GRIP2: variants seen among roughly 807,000 people sequenced by gnomAD.
GRIP2 encodes glutamate receptor-interacting protein 2.
Under a neutral mutation model 108.3 loss-of-function variants are expected in GRIP2, and 58 were observed. The observed-to-expected ratio is 0.54, with a 90% CI of 0.43 to 0.67. The LOEUF (loss-of-function observed/expected upper bound fraction) is 0.67. Ranked by LOEUF, GRIP2 falls within the 30% of genes least tolerant of loss-of-function variation. The pLI is 0.00. For synonymous variants in GRIP2, 586 were observed against 598.2 expected (o/e 0.98, Z 0.30); for missense variants, 1,278 against 1,430.6 (o/e 0.89, Z 1.72).
At chr3:14,496,312 G>C (rs960695685) in intron 22 of GRIP2, 105 bp downstream of exon 22, 1 of 946,086 alleles carries the variant, frequency 1.1e-6, no homozygotes, top group African/African-American at 1.7e-5. Flanking sequence ...TGTGGTGGAG[G>C]AGACTAAAGC....
the GRIP2 span, among the ~76,000 whole-genome samples, chr3:14,566,341 G>T: frequency 6.6e-6 from 1 of 152,220 alleles, no homozygotes; most frequent in African/African-American, 2.4e-5. Context: ...ACACACCACA[G>T]GACTGGGCGA....
rs1349080031 is a variant in GRIP2, at chr3:14,505,630, C to A, written c.2558G>T (p.Trp853Leu). 7.5e-6 allele frequency: 12 copies of A among 1,610,542 alleles called. No homozygotes were observed. Among genetic ancestry groups the A allele is most frequent in the African/African-American group, 1.3e-5 (1 of 74,796 alleles). The change falls in exon 20 of 24, where the codon TGG (tryptophan) becomes TTG (leucine). Residue 853 changes from tryptophan to leucine, a missense_variant. Transcript: ENST00000621039. The surrounding 1 kb of genome is among the most constrained non-coding windows in gnomAD (Gnocchi z 4.2). ...CACCACAGACCTCGTTGGCGGCTCC[C>A]AATCATCCTCCTCCTCCTCCTCTGG... The part of the protein sequence containing the change: ...SFPEEEEEDD[W>L]EPPTSPAPGP...
chr3:14,529,348 T>G (rs978189901), intron 1 of GRIP2, among the ~76,000 whole-genome samples: 1 of 152,130 alleles, frequency 6.6e-6, no homozygotes, highest in African/African-American at 2.4e-5. Context: ...ACAGGTAGTT[T>G]TAACAATCAT....
At chr3:14,543,097 G>A (rs1050723850), upstream of GRIP2, among the ~76,000 whole-genome samples, 2 of 152,178 alleles carry the variant, frequency 1.3e-5, no homozygotes, top group African/African-American at 2.4e-5. Flanking sequence ...GCCATTGCAC[G>A]CGTGTGAGTC....
rs1404435349 is a variant in GRIP2 at position 14,521,701 on chromosome 3, G to A, written c.653C>T (p.Thr218Ile). The A allele has an allele frequency of 6.2e-7, 1 of 1,611,862 alleles. No homozygotes were observed. The highest frequency in any genetic ancestry group is 2.2e-5 in the East Asian group (1 of 44,774). Residue 218 changes from threonine to isoleucine, a missense_variant, in exon 7 of 24, where the codon ACC (threonine) becomes ATC (isoleucine). Transcript: ENST00000621039. The surrounding 1 kb of genome is among the most constrained non-coding windows in gnomAD (Gnocchi z 5.1). ...TGCCTCGTGGCTGCACTGCCGCAGG[G>A]TGGCCAGGGCGGTGGCATGGCTGGC... ...HGASHATALA[T>I]LRQCSHEALF...
Position 14,506,784 on chromosome 3 carries a change from G to T in GRIP2, c.2398+17C>A. 11 of 1,566,856 alleles carry T rather than the reference G, an allele frequency of 7.0e-6. No homozygotes were observed. Among genetic ancestry groups the T allele is most frequent in the Non-Finnish European group, 9.5e-6 (11 of 1,154,904 alleles). On this transcript the variant is annotated intron_variant, in intron 19 of 23. Coordinates refer to ENST00000621039, the MANE Select transcript of GRIP2 (RefSeq NM_001080423.4). ...TAGAGAGAGCGTGCCACTTGTCCAA[G>T]GGCCCCAAGGTATTACCTGGGCCCC...
At chr3:14,525,735 T>G (rs1351798187) in intron 2 of GRIP2, 116 bp downstream of exon 2, 2 of 1,308,488 alleles carry the variant, frequency 1.5e-6, no homozygotes, top group East Asian at 2.4e-5. Context: ...AGAGGTTAAG[T>G]GGCTGGTCTA....
chr3:14,518,375 C>T (rs1694313541), intron 9 of GRIP2, among the ~76,000 whole-genome samples: 1 of 152,210 alleles, frequency 6.6e-6, no homozygotes, highest in Non-Finnish European at 1.5e-5. Flanking sequence ...CTATTTCTGC[C>T]CCACGACTCT....
chr3:14,573,159 G>T, the GRIP2 span: 2 of 1,436,990 alleles, frequency 1.4e-6, no homozygotes, highest in Non-Finnish European at 9.8e-7. Context: ...GAGCACCACA[G>T]CCAGCAGCTT....
At position 14,506,894 on chromosome 3, in the gene GRIP2, G is replaced by T; in HGVS notation, c.2305C>A (p.Pro769Thr). ...ACAGCCGGCGAGAAGCGGGCTGCTG[G>T]CAGGCCTCCTTTCAGGGCATCTGCT... ...DPADALKGGLPAARFSPAVPS... is the reference protein window; with the variant it reads ...DPADALKGGLTAARFSPAVPS... The change falls in exon 19 of 24, where the codon CCA (proline) becomes ACA (threonine). Residue 769 changes from proline to threonine, a missense_variant. Pro to Thr is a conservative substitution (Grantham distance 38, BLOSUM62 -1). Transcript: ENST00000621039. 6.2e-7 allele frequency: 1 copy of T among 1,606,816 alleles called. No homozygotes were observed. Among genetic ancestry groups the T allele is most frequent in the Non-Finnish European group, 8.5e-7 (1 of 1,176,826 alleles).
chr3:14,584,551 G>A, the GRIP2 span, among the ~76,000 whole-genome samples: 6 of 152,184 alleles, frequency 3.9e-5, no homozygotes, highest in African/African-American at 1.4e-4. Context: ...AGAGGATTTC[G>A]CTGTGTGGAA....
intron 2 of GRIP2, 31 bp from the exon 3 acceptor site, chr3:14,525,603 G>C: frequency 6.2e-7 from 1 of 1,612,246 alleles, no homozygotes; most frequent in Non-Finnish European, 8.5e-7. Context: ...GGGCTTGAGC[G>C]GGCAGCTGGG....
Position 14,512,764 on chromosome 3 carries a change from G to A in GRIP2, c.1720+13C>T, listed in dbSNP as rs762223847. The A allele has an allele frequency of 3.7e-6, 6 of 1,611,826 alleles. No homozygotes were observed. The Admixed American group carries it at 6.7e-5, about 18-fold the overall frequency. On this transcript the variant is annotated intron_variant, in intron 14 of 23. Coordinates refer to ENST00000621039, the MANE Select transcript of GRIP2 (RefSeq NM_001080423.4). This position sits in a 1 kb window ranked among gnomAD's most constrained non-coding sequence, Gnocchi z 5.1. Reference sequence around the variant, plus strand: ...TCGCTCCCAGGGGCAAACAGCAGCGGGAGGAGACTCACAGCTGATGGTGAT... The same window carrying A: ...TCGCTCCCAGGGGCAAACAGCAGCGAGAGGAGACTCACAGCTGATGGTGAT...
intron 1 of GRIP2, among the ~76,000 whole-genome samples, chr3:14,534,500 T>C (rs961615760): frequency 6.6e-6 from 1 of 151,848 alleles, no homozygotes; most frequent in Non-Finnish European, 1.5e-5. Context: ...GAAACGTGCA[T>C]AAAAAACAGA....
At chr3:14,559,389 G>A (rs1445526200), upstream of GRIP2, among the ~76,000 whole-genome samples, 1 of 150,096 alleles carries the variant, frequency 6.7e-6, no homozygotes, top group Non-Finnish European at 1.5e-5. Context: ...GGTGGGTCTG[G>A]TAAATTAGGA....
In GRIP2 at chr3:14,494,907, T is replaced by A. The variant is rs1489965958; in HGVS notation, c.2906A>T (p.His969Leu). ...GGCTGGCCCATCAGGGCGCACAGTG[T>A]GGACATAGACACCTTTTTCCAGGAG... ...DGLLEKGVYV[H>L]TVRPDGPAHR... Residue 969 changes from histidine to leucine, a missense_variant, in exon 23 of 24, where the codon CAC (histidine) becomes CTC (leucine). Transcript: ENST00000621039. The A allele has an allele frequency of 6.2e-7, 1 of 1,613,944 alleles. No homozygotes were observed. Among genetic ancestry groups the A allele is most frequent in the South Asian group, 1.1e-5 (1 of 91,090 alleles).
At chr3:14,544,703 G>A (rs1354426571), upstream of GRIP2, among the ~76,000 whole-genome samples, 2 of 152,180 alleles carry the variant, frequency 1.3e-5, no homozygotes, top group African/African-American at 4.8e-5. Flanking sequence ...CCCAGGGGCC[G>A]GGCCAGGACA....
chr3:14,493,660 T>C lies in GRIP2; in HGVS notation c.*5A>G. On this transcript the variant is annotated 3_prime_UTR_variant, in exon 24 of 24. Coordinates refer to ENST00000621039, the MANE Select transcript of GRIP2 (RefSeq NM_001080423.4). Reference sequence around the variant, plus strand: ...CCCCTTAGGAGTTCGGCCCACATGCTGACTTCAGAGCATCCGGGGACTGCT... The same window carrying C: ...CCCCTTAGGAGTTCGGCCCACATGCCGACTTCAGAGCATCCGGGGACTGCT... 1 of 1,593,810 alleles carries C rather than the reference T, an allele frequency of 6.3e-7. No individual in the cohort carries two copies. The highest frequency in any genetic ancestry group is 1.1e-5 in the South Asian group (1 of 88,166).
chr3:14,592,971 A>C, the GRIP2 span, among the ~76,000 whole-genome samples: 1 of 152,152 alleles, frequency 6.6e-6, no homozygotes, highest in Non-Finnish European at 1.5e-5. Context: ...ACGGAGCCAC[A>C]ATGCTGCCAC....
Sources: gnomAD v4.1 joint callset for allele counts (sites outside exome capture counted in the v4.1 genomes callset) on GRCh38, gnomAD v4.1.1 for gene constraint, Gnocchi (gnomAD v3.1) non-coding constraint, MANE v1.5 for transcripts, NCBI Gene and HGNC (gene_info 2026-07-23, HGNC 2026-07-21) for gene names.